Variants in PIK3C2A observed in about 807,000 individuals in gnomAD.
PIK3C2A encodes the protein phosphatidylinositol 4-phosphate 3-kinase C2 domain-containing subunit alpha.
Under a neutral mutation model 204.5 loss-of-function variants are expected in PIK3C2A, and 97 were observed. The observed-to-expected ratio is 0.47, with a 90% CI of 0.40 to 0.56. PIK3C2A has a LOEUF of 0.56. PIK3C2A is among the 20% of genes least tolerant of loss of function. The pLI, the probability that PIK3C2A is intolerant of heterozygous loss-of-function variation, is 0.00. For synonymous variants in PIK3C2A, 653 were observed against 664.4 expected, an observed-to-expected ratio of 0.98 and a Z score of 0.26; for missense variants, 1,735 against 1,969.2, an observed-to-expected ratio of 0.88 and a Z score of 2.25.
chr11:17,182,897 C>G (rs561509267), intron 1 of PIK3C2A, among the ~76,000 whole-genome samples: 1 of 152,128 alleles, frequency 6.6e-6, no homozygotes, highest in Non-Finnish European at 1.5e-5. Context: ...CGAAGTGAAG[C>G]AGCATGATCA....
chr11:17,127,012 C>T (rs543675156), intron 13 of PIK3C2A, among the ~76,000 whole-genome samples: 1 of 152,200 alleles, frequency 6.6e-6, no homozygotes, highest in Non-Finnish European at 1.5e-5. Flanking sequence ...ATTTAACTTT[C>T]ATATAACTGC....
At chr11:17,166,591 T>C (rs1590984483) in intron 2 of PIK3C2A, among the ~76,000 whole-genome samples, 1 of 152,214 alleles carries the variant, frequency 6.6e-6, no homozygotes, top group Non-Finnish European at 1.5e-5. Context: ...CAATCTATTG[T>C]AGCTACAATG....
chr11:17,148,773 C>A lies in PIK3C2A; in HGVS notation c.1342G>T (p.Glu448Ter). ...CAAAGGGCTTGCATTATAATGATTTCTACAGTAGAACTCACTGTAAAAGAG... is the reference window on the plus strand; with the variant it reads ...CAAAGGGCTTGCATTATAATGATTTATACAGTAGAACTCACTGTAAAAGAG... ...TFTCDVSSTV[E>*]IIIMQALCWV... The change falls in exon 5 of 33, where the codon GAA (glutamate) becomes TAA (stop). Residue 448 changes from glutamate to a stop codon, truncating the protein, a stop_gained. Coordinates refer to ENST00000691414, the MANE Select transcript of PIK3C2A (RefSeq NM_002645.4). LOFTEE classifies it high-confidence loss of function. 3 of 1,610,930 alleles carry A rather than the reference C, an allele frequency of 1.9e-6. No individual in the cohort carries two copies. Among genetic ancestry groups the A allele is most frequent in the Non-Finnish European group, 2.5e-6 (3 of 1,177,582 alleles).
At chr11:17,095,825 T>C (rs915576735) in intron 27 of PIK3C2A, among the ~76,000 whole-genome samples, 1 of 149,592 alleles carries the variant, frequency 6.7e-6, no homozygotes, top group African/African-American at 2.5e-5. Flanking sequence ...AGCTGAGGCA[T>C]GAGAATTGCT....
At chr11:17,137,170 C>A (rs1317509757) in intron 8 of PIK3C2A, among the ~76,000 whole-genome samples, 1 of 152,048 alleles carries the variant, frequency 6.6e-6, no homozygotes, top group East Asian at 1.9e-4. Flanking sequence ...CAGTACTATA[C>A]CACCCCTTAA....
chr11:17,165,580 A>T (rs1850915128), intron 2 of PIK3C2A, among the ~76,000 whole-genome samples: 3 of 151,918 alleles, frequency 2.0e-5, no homozygotes, highest in Admixed American at 2.0e-4. Flanking sequence ...GTTTGAGACC[A>T]ATCTGACCAA....
At chr11:17,093,859 A>C (rs1848381420) in intron 28 of PIK3C2A, among the ~76,000 whole-genome samples, 2 of 150,166 alleles carry the variant, frequency 1.3e-5, no homozygotes, top group African/African-American at 4.9e-5. Context: ...CTAGTCTCCA[A>C]CTCCTGGACT....
chr11:17,183,286 C>G (rs1053311363), intron 1 of PIK3C2A, among the ~76,000 whole-genome samples: 25 of 152,176 alleles, frequency 1.6e-4, no homozygotes, highest in African/African-American at 6.0e-4. Flanking sequence ...CAGATATCAA[C>G]AATTCATAAG....
At chr11:17,181,631 T>G (rs1591005866) in intron 1 of PIK3C2A, among the ~76,000 whole-genome samples, 1 of 3,172 alleles carries the variant, frequency 3.2e-4, no homozygotes, top group Non-Finnish European at 3.2e-3. Context: ...TATATATATA[T>G]ATATATATAT....
At chr11:17,187,734 T>C (rs138433573) in intron 1 of PIK3C2A, among the ~76,000 whole-genome samples, 154 of 151,970 alleles carry the variant, frequency 1.0e-3, no homozygotes, top group African/African-American at 3.5e-3. Context: ...GGAAAGGCCA[T>C]AGACTGAAGG....
In PIK3C2A at chr11:17,169,580, G is replaced by C; in HGVS notation, c.162C>G (p.Gly54=). The change falls in exon 2 of 33, where the codon GGC becomes GGG. Residue 54 remains glycine, a synonymous_variant. Transcript: ENST00000691414. The part of the protein sequence containing the change: ...KDRQVTDNQR[G]FELSSSTRKK... ...TTCTGGTGCTGCTTGACAACTCAAA[G>C]CCTCTCTGATTGTCAGTCACTTGTC... 1.9e-6 allele frequency: 3 copies of C among 1,614,044 alleles called. No individual in the cohort carries two copies. The highest frequency in any genetic ancestry group is 2.5e-6 in the Non-Finnish European group (3 of 1,180,000).
Position 17,148,652 on chromosome 11 carries a change from G to A in PIK3C2A, c.1448+15C>T, listed in dbSNP as rs1458234283. On this transcript the variant is annotated intron_variant, in intron 5 of 32. Transcript: ENST00000691414. ...AAATTTCCAAGGATGTTGCTCAGTAGTTAAATAAACTTACTTCTGCAGCAC... is the reference window on the plus strand; with the variant it reads ...AAATTTCCAAGGATGTTGCTCAGTAATTAAATAAACTTACTTCTGCAGCAC... 1 of 1,609,962 alleles carries A rather than the reference G, an allele frequency of 6.2e-7. No individual in the cohort carries two copies.
chr11:17,129,052 T>C (rs1386762950), intron 13 of PIK3C2A, among the ~76,000 whole-genome samples: 2 of 152,250 alleles, frequency 1.3e-5, no homozygotes, highest in Admixed American at 1.3e-4. Flanking sequence ...GGCTGCTGCT[T>C]TTCTCCATGG....
At position 17,119,329 on chromosome 11, in the gene PIK3C2A, A is replaced by G. The variant is rs763107936; in HGVS notation, c.2847-16T>C. 16 of 1,465,670 alleles carry G rather than the reference A, an allele frequency of 1.1e-5. No homozygotes were observed. The highest frequency in any genetic ancestry group is 1.7e-5 in the Admixed American group (1 of 59,328). The allele number at this position is 1,465,670 out of a possible 1,614,324, so 90.8% of individuals were successfully genotyped here. On this transcript the variant is annotated splice_polypyrimidine_tract_variant and intron_variant, in intron 16 of 32. Transcript: ENST00000691414. Reference sequence around the variant, plus strand: ...ATCAGCAAATCTAGAAGATTACCATAAAACCAAGATTGGACAGTGATTTCT... The same window carrying G: ...ATCAGCAAATCTAGAAGATTACCATGAAACCAAGATTGGACAGTGATTTCT...
intron 4 of PIK3C2A, 46 bp from the exon 5 acceptor site, chr11:17,148,833 A>G: frequency 6.6e-7 from 1 of 1,504,526 alleles, no homozygotes; most frequent in Non-Finnish European, 9.2e-7. Context: ...ATTTATATTT[A>G]TTCAAGACTG....
intron 1 of PIK3C2A, among the ~76,000 whole-genome samples, chr11:17,196,270 T>TA: frequency 6.6e-6 from 1 of 152,322 alleles, no homozygotes; most frequent in South Asian, 2.1e-4. Context: ...ATTTTAGGTA[T>TA]AATAGGAAGC....
chr11:17,164,221 G>A (rs1485970807), intron 2 of PIK3C2A, among the ~76,000 whole-genome samples: 15 of 151,936 alleles, frequency 9.9e-5, no homozygotes, highest in African/African-American at 2.9e-4. Flanking sequence ...GTGTGGTGGC[G>A]TGTACCTATA....
intron 25 of PIK3C2A, 129 bp from the exon 26 acceptor site, chr11:17,100,098 A>G: frequency 1.9e-6 from 1 of 525,112 alleles, no homozygotes; most frequent in South Asian, 2.9e-5. Flanking sequence ...GGGGTTCATT[A>G]GTGTATTGGG....
rs573620095 is a variant in PIK3C2A at position 17,088,675 on chromosome 11, A to C, written c.*1063T>G. On this transcript the variant is annotated 3_prime_UTR_variant, in exon 33 of 33. Coordinates refer to ENST00000691414, the MANE Select transcript of PIK3C2A (RefSeq NM_002645.4). ...ACACACATAAGTAAGACAGTTTACA[A>C]GACAAACTGGTCTACACAGACAAAG... 6.6e-6 allele frequency: 1 copy of C among 152,384 alleles called. No homozygotes were observed. Among genetic ancestry groups the C allele is most frequent in the African/African-American group, 2.4e-5 (1 of 41,590 alleles). The allele number at this position is 152,384 out of a possible 1,614,324, so 9.4% of individuals were successfully genotyped here. A position where few individuals can be genotyped will look rare whatever the true frequency, so the allele number is the denominator to read the frequency against.
Sources: gnomAD v4.1 joint callset for allele counts (sites outside exome capture counted in the v4.1 genomes callset) on GRCh38, gnomAD v4.1.1 for gene constraint, MANE v1.5 for transcripts, NCBI Gene and HGNC (gene_info 2026-07-23, HGNC 2026-07-21) for gene names.